The following WRAP53 variants were observed in gnomAD, a reference collection of about 807,000 sequenced individuals.
WRAP53 encodes the protein WD repeat containing antisense to TP53.
In WRAP53, 28 loss-of-function variants were observed where a neutral mutation model predicts 56.6. The observed-to-expected ratio is 0.50, with a 90% CI of 0.37 to 0.68. The LOEUF is 0.68. Among genes scored for constraint, WRAP53 ranks in the 30% least tolerant of loss-of-function variants. WRAP53 has a pLI of 0.00. For synonymous variants in WRAP53, 283 were observed against 283.4 expected (o/e 1.00, Z 0.01); for missense variants, 671 against 715.5 (o/e 0.94, Z 0.71).
chr17:7,699,961 G>A (rs529156789), intron 4 of WRAP53, among the ~76,000 whole-genome samples: 1 of 151,922 alleles, frequency 6.6e-6, no homozygotes, highest in South Asian at 2.1e-4. Context: ...TTGAACTCCT[G>A]GGCTCAAGTG....
At chr17:7,699,452 ATATATT>A (rs2074230277) in intron 4 of WRAP53, among the ~76,000 whole-genome samples, 6 of 51,266 alleles carry the variant, frequency 1.2e-4, no homozygotes, top group African/African-American at 5.7e-4. Context: ...ATATATATAT[ATATATT>A]TATATATATA....
intron 4 of WRAP53, among the ~76,000 whole-genome samples, chr17:7,700,045 CTTTTCT>C (rs1233853413): frequency 1.3e-5 from 2 of 150,292 alleles, no homozygotes; most frequent in African/African-American, 4.9e-5. Context: ...TAATTTTTTT[CTTTTCT>C]TTTTCTTTTT....
chr17:7,700,482 T>C (rs1006595409), intron 4 of WRAP53, among the ~76,000 whole-genome samples: 5 of 147,282 alleles, frequency 3.4e-5, no homozygotes, highest in African/African-American at 7.9e-5. Context: ...ACCCTGTCTC[T>C]ATTAAAAAAA....
chr17:7,686,546 G>A (rs1201042106), upstream of WRAP53: 1 of 152,260 alleles, frequency 6.6e-6, no homozygotes, highest in Non-Finnish European at 1.5e-5. Context: ...AATGCAGGCG[G>A]AGAATAGCAG....
chr17:7,700,669 C>T (rs2074261552), intron 4 of WRAP53, 72 bp from the exon 5 acceptor site: 4 of 1,015,650 alleles, frequency 3.9e-6, no homozygotes, highest in African/African-American at 1.6e-5. Context: ...TCTGCCACAA[C>T]ACTGCTAGAG....
intron 4 of WRAP53, among the ~76,000 whole-genome samples, chr17:7,694,242 C>CTTTTTTTT (rs749740076): frequency 1.6e-5 from 2 of 122,618 alleles, no homozygotes; most frequent in Non-Finnish European, 1.6e-5. Flanking sequence ...TTTTTTCTTT[C>CTTTTTTTT]TTTTTTTTTT....
chr17:7,690,638 A>G (rs1401128928), intron 4 of WRAP53, among the ~76,000 whole-genome samples: 1 of 152,214 alleles, frequency 6.6e-6, no homozygotes, highest in Admixed American at 6.5e-5. Flanking sequence ...AAGGCCCTGC[A>G]TGGTGGCTCA....
rs1231932911 is a variant in WRAP53 at position 7,701,394 on chromosome 17, T to G, written c.732-65T>G. 1.3e-6 allele frequency: 2 copies of G among 1,572,838 alleles called. No homozygotes were observed. The highest frequency in any genetic ancestry group is 4.5e-5 in the East Asian group (2 of 44,664). On this transcript the variant is annotated intron_variant, in intron 5 of 10. Coordinates refer to ENST00000396463, the MANE Select transcript of WRAP53 (RefSeq NM_001143992.2). This position sits in a 1 kb window ranked among gnomAD's most constrained non-coding sequence, Gnocchi z 4.2. ...TGCTGGGATTACAGGCATGAGCCAC[T>G]GTGCCCGGCCATTCCTCCCCTTCCT... is the stretch of plus-strand genomic sequence containing the variant.
chr17:7,689,235 A>C lies in WRAP53; in HGVS notation c.443A>C (p.Tyr148Ser). Residue 148 changes from tyrosine to serine, a missense_variant, in exon 3 of 11, where the codon TAC (tyrosine) becomes TCC (serine). Tyr to Ser is a moderately radical substitution (Grantham distance 144, BLOSUM62 -2). Around this residue, in one of 3 missense-constraint regions of WRAP53, gnomAD observed 406 missense variants for 418.5 expected, o/e 0.97. Coordinates refer to ENST00000396463, the MANE Select transcript of WRAP53 (RefSeq NM_001143992.2). ...AEDEGDTAWN[Y>S]SFSQLPRFLS... ...CATCTTCCTTTCAGCGCTTGGAACT[A>C]CAGCTTCTCCCAGCTGCCTCGATTT... The C allele has an allele frequency of 6.2e-7, 1 of 1,613,248 alleles. No individual in the cohort carries two copies. Among genetic ancestry groups the C allele is most frequent in the South Asian group, 1.1e-5 (1 of 90,974 alleles).
rs781521924 is a variant in WRAP53 at position 7,703,402 on chromosome 17, GGC to G, written c.1566_1567del (p.Pro523ArgfsTer6). The G allele has an allele frequency of 1.1e-5, 18 of 1,612,490 alleles. No homozygotes were observed. Among genetic ancestry groups the G allele is most frequent in the Non-Finnish European group, 1.4e-5 (16 of 1,179,190 alleles). On this transcript the variant is annotated frameshift_variant, in exon 11 of 11. Transcript: ENST00000396463. LOFTEE classifies it low-confidence loss of function (END_TRUNC). ...GGCTTCAGCTCTGGTGGTGTGGGGG[GGC>G]GCCAGACTCCAGCATCCCTGATGAT... ...CRLQLWWCGG[A>X]PDSSIPDDHQ...
chr17:7,702,282 C>T lies in WRAP53; in HGVS notation c.956-62C>T. 6.3e-7 allele frequency: 1 copy of T among 1,575,360 alleles called. No homozygotes were observed. Among genetic ancestry groups the T allele is most frequent in the South Asian group, 1.1e-5 (1 of 90,216 alleles). On this transcript the variant is annotated intron_variant, in intron 7 of 10. Coordinates refer to ENST00000396463, the MANE Select transcript of WRAP53 (RefSeq NM_001143992.2). The surrounding 1 kb of genome is among the most constrained non-coding windows in gnomAD (Gnocchi z 5.0). ...TGCTGGGACGGGAGACAGACCTCTG[C>T]TTAGCCTGGTTAGTGCCAGGAGCCA...
chr17:7,703,361 G>A lies in WRAP53; in HGVS notation c.1522G>A (p.Val508Ile), dbSNP rs768089496. ...LGLPLLSTRH[V>I]HLECRLQLWW... The stretch of plus-strand genomic sequence containing the variant: ...CCTTCCCTTGCTCTCCACGCGCCAC[G>A]TCCACCTTGAATGTCGGCTTCAGCT... Residue 508 changes from valine (V) to isoleucine (I), a missense_variant, in exon 11 of 11, where the codon GTC (valine) becomes ATC (isoleucine). Val to Ile is a conservative substitution (Grantham distance 29). Coordinates refer to ENST00000396463, the MANE Select transcript of WRAP53 (RefSeq NM_001143992.2). 191 of 1,613,874 alleles carry A rather than the reference G, an allele frequency of 1.2e-4. No individual in the cohort carries two copies. Among genetic ancestry groups the A allele is most frequent in the Non-Finnish European group, 1.5e-4 (178 of 1,180,002 alleles).
chr17:7,701,501 C>G lies in WRAP53; in HGVS notation c.774C>G (p.Asp258Glu). 1 of 1,614,264 alleles carries G rather than the reference C, an allele frequency of 6.2e-7. No homozygotes were observed. Among genetic ancestry groups the G allele is most frequent in the Non-Finnish European group, 8.5e-7 (1 of 1,180,050 alleles). Residue 258 changes from aspartate to glutamate, a missense_variant, in exon 6 of 11, where the codon GAC (aspartate) becomes GAG (glutamate). Physicochemically the swap from Asp to Glu is conservative, Grantham distance 45 (BLOSUM62 2). This residue lies in a region of WRAP53 where 406 missense variants were observed against 418.5 expected (regional missense o/e 0.97). Transcript: ENST00000396463. The surrounding 1 kb of genome is among the most constrained non-coding windows in gnomAD (Gnocchi z 4.2). Reference sequence around the variant, plus strand: ...GGGAGAACCCGATTCATATCTGGGACGCATTCACTGGAGAGCTCCGGGCTT... The same window carrying G: ...GGGAGAACCCGATTCATATCTGGGAGGCATTCACTGGAGAGCTCCGGGCTT... ...SSRENPIHIW[D>E]AFTGELRASF...
In WRAP53 at chr17:7,691,839, TTTTG is replaced by T. The variant is rs532127935; in HGVS notation, c.642+2151_642+2154del. ...CATGCCAGGCCATGAGAGAGGTTTTTTTTGTTTGTTTGTTTGAGACAGAGTCTTG... is the reference window on the plus strand; with the variant it reads ...CATGCCAGGCCATGAGAGAGGTTTTTTTTGTTTGTTTGAGACAGAGTCTTG... On this transcript the variant is annotated intron_variant, in intron 4 of 10. Transcript: ENST00000396463. 4.4e-3 allele frequency among the ~76,000 whole-genome samples: 659 copies of T among 150,052 alleles called. 4 individuals carry two copies. The highest frequency in any genetic ancestry group is 0.015 in the African/African-American group (626 of 40,620).
intron 4 of WRAP53, among the ~76,000 whole-genome samples, chr17:7,698,013 A>G (rs921806096): frequency 2.6e-5 from 4 of 152,184 alleles, no homozygotes; most frequent in African/African-American, 9.7e-5. Context: ...GACTACAAGT[A>G]TGCCAATATG....
At position 7,701,353 on chromosome 17, in the gene WRAP53, C is replaced by T. The variant is rs1207025755; in HGVS notation, c.732-106C>T. 8.1e-7 allele frequency: 1 copy of T among 1,237,476 alleles called. No individual in the cohort carries two copies. The highest frequency in any genetic ancestry group is 1.5e-5 in the African/African-American group (1 of 67,492). The allele number at this position is 1,237,476 out of a possible 1,614,324, so 76.7% of individuals were successfully genotyped here. A position where few individuals can be genotyped will look rare whatever the true frequency, so the allele number is the denominator to read the frequency against. On this transcript the variant is annotated intron_variant, in intron 5 of 10. Coordinates refer to ENST00000396463, the MANE Select transcript of WRAP53 (RefSeq NM_001143992.2). The surrounding 1 kb of genome is among the most constrained non-coding windows in gnomAD (Gnocchi z 4.2). ...CTCCTGACCTCAAGTGATCCACCTG[C>T]CTTGGCCTCCCAAAGTGCTGGGATT...
upstream of WRAP53, chr17:7,686,595 A>AT (rs1201670108): frequency 1.3e-5 from 2 of 152,264 alleles, no homozygotes; most frequent in East Asian, 3.8e-4. Context: ...CCTAAAGGAC[A>AT]TTTTCTCTCT....
Position 7,702,427 on chromosome 17 carries a change from C to G in WRAP53, c.1039C>G (p.Arg347Gly). The stretch of plus-strand genomic sequence containing the variant: ...CCTCTATGCCTGTGGCTCCTACGGC[C>G]GCTCCCTGGGTCTGTATGCCTGGGA... ...QPLYACGSYG[R>G]SLGLYAWDDG... The change falls in exon 8 of 11, where the codon CGC becomes GGC. Residue 347 changes from arginine (R) to glycine (G), a missense_variant. By Grantham distance (125) the Arg-to-Gly change is moderately radical. Around this residue, in one of 3 missense-constraint regions of WRAP53, gnomAD observed 158 missense variants for 215.7 expected, o/e 0.73. Coordinates refer to ENST00000396463, the MANE Select transcript of WRAP53 (RefSeq NM_001143992.2). This position sits in a 1 kb window ranked among gnomAD's most constrained non-coding sequence, Gnocchi z 5.0. The G allele has an allele frequency of 6.2e-7, 1 of 1,614,104 alleles. No individual in the cohort carries two copies. Among genetic ancestry groups the G allele is most frequent in the Non-Finnish European group, 8.5e-7 (1 of 1,180,026 alleles).
upstream of WRAP53, chr17:7,687,040 T>G (rs1471360877): frequency 9.1e-6 from 3 of 331,154 alleles, no homozygotes; most frequent in Admixed American, 9.7e-5. Flanking sequence ...GCTTTGTGCA[T>G]CTTTTATTTC....
Sources: gnomAD v4.1 joint callset for allele counts (sites outside exome capture counted in the v4.1 genomes callset) on GRCh38, gnomAD v4.1.1 for gene constraint, gnomAD v4.1.1 regional missense constraint, Gnocchi (gnomAD v3.1) non-coding constraint, MANE v1.5 for transcripts, NCBI Gene and HGNC (gene_info 2026-07-23, HGNC 2026-07-21) for gene names.